The following SRPK1 variants were observed in gnomAD, a reference collection of about 807,000 sequenced individuals.
SRPK1 encodes the protein SRSF protein kinase 1.
In SRPK1, 52 loss-of-function variants were observed where a neutral mutation model predicts 89.5. The observed-to-expected ratio is 0.58, with a 90% CI of 0.46 to 0.73. The LOEUF is 0.73. Ranked by LOEUF, SRPK1 falls within the 30% of genes least tolerant of loss-of-function variation. SRPK1 has a pLI of 0.00. For synonymous variants in SRPK1, 255 were observed against 270.2 expected (o/e 0.94, Z 0.55); for missense variants, 603 against 780.6 (o/e 0.77, Z 2.71).
chr6:35,850,682 A>T (rs539265972), intron 13 of SRPK1, among the ~76,000 whole-genome samples: 41 of 152,336 alleles, frequency 2.7e-4, no homozygotes, highest in African/African-American at 8.7e-4. Flanking sequence ...TGTCTACTGC[A>T]CATATCCCTT....
intron 13 of SRPK1, among the ~76,000 whole-genome samples, chr6:35,845,807 A>G (rs1769414080): frequency 6.6e-6 from 1 of 152,262 alleles, no homozygotes; most frequent in Non-Finnish European, 1.5e-5. Flanking sequence ...AAGACAAGTC[A>G]GAGTCCTGAT....
At chr6:35,880,735 G>GAAAA (rs1238876364) in intron 6 of SRPK1, among the ~76,000 whole-genome samples, 1 of 26,974 alleles carries the variant, frequency 3.7e-5, no homozygotes, top group East Asian at 1.2e-3. Context: ...AAAAAAAAAA[G>GAAAA]AAAAAAAAAA....
At chr6:35,880,746 A>AAAAAAAGAAAGAAAG (rs1770263877) in intron 6 of SRPK1, among the ~76,000 whole-genome samples, 48 of 89,188 alleles carry the variant, frequency 5.4e-4, no homozygotes, top group Middle Eastern at 6.6e-3. Flanking sequence ...AAAAAAAAAA[A>AAAAAAAGAAAGAAAG]AAAAGAAAAG....
chr6:35,876,463 A>C (rs1387513859), intron 6 of SRPK1, among the ~76,000 whole-genome samples: 1 of 152,108 alleles, frequency 6.6e-6, no homozygotes, highest in African/African-American at 2.4e-5. Context: ...AACAAGGTGA[A>C]ACCCTGTCTC....
intron 3 of SRPK1, 68 bp from the exon 4 acceptor site, chr6:35,888,991 T>TTGGCCGGGCGCGGTGGCTCACGCCTG: frequency 9.6e-7 from 1 of 1,043,640 alleles, no homozygotes; most frequent in Non-Finnish European, 1.5e-6. Flanking sequence ...AAAGGCATTT[T>TTGGCCGGGCGCGGTGGCTCACGCCTG]TAACATCACA....
rs1480474645 is a variant in SRPK1, at chr6:35,882,161, T to TAGTAGC, written c.478+4562_478+4563insGCTACT. ...GTAGTAGTAGTAGTAGTAGTAGTAG[T>TAGTAGC]AGCAGCAGCAGCAGAAGAAGAAGAA... On this transcript the variant is annotated intron_variant, in intron 6 of 15. Transcript: ENST00000373825. Among the ~76,000 whole-genome samples, 184 of 118,438 alleles carry TAGTAGC rather than the reference T, an allele frequency of 1.6e-3. 2 individuals are homozygous for TAGTAGC. Among genetic ancestry groups the TAGTAGC allele is most frequent in the African/African-American group, 4.3e-3 (145 of 33,460 alleles). 77.7% of individuals were successfully genotyped at this position (118,438 alleles called of 152,430 possible).
intron 12 of SRPK1, among the ~76,000 whole-genome samples, chr6:35,866,157 A>G (rs1448553839): frequency 6.6e-6 from 1 of 152,188 alleles, no homozygotes; most frequent in Non-Finnish European, 1.5e-5. Context: ...TAAAACCACA[A>G]TGAGGTATCT....
chr6:35,893,675 T>C (rs1054936835), intron 2 of SRPK1, among the ~76,000 whole-genome samples: 2 of 152,096 alleles, frequency 1.3e-5, no homozygotes, highest in Non-Finnish European at 2.9e-5. Context: ...AGAGTAAACT[T>C]TTCCAGATTC....
At chr6:35,841,106 T>A (rs1769296360) in intron 14 of SRPK1, among the ~76,000 whole-genome samples, 1 of 152,166 alleles carries the variant, frequency 6.6e-6, no homozygotes, top group Admixed American at 6.6e-5. Flanking sequence ...TCTCTAGGCC[T>A]ATAATCCCAA....
intron 14 of SRPK1, among the ~76,000 whole-genome samples, chr6:35,839,305 C>T (rs1484360707): frequency 6.6e-6 from 1 of 152,208 alleles, no homozygotes; most frequent in Non-Finnish European, 1.5e-5. Context: ...CCTGAGCCAC[C>T]ACCTGGCTGA....
At chr6:35,910,589 G>C (rs1026280745) in intron 2 of SRPK1, among the ~76,000 whole-genome samples, 3 of 152,248 alleles carry the variant, frequency 2.0e-5, no homozygotes, top group Non-Finnish European at 2.9e-5. Flanking sequence ...CTAAACAGCA[G>C]ATTTTAGGTG....
intron 2 of SRPK1, among the ~76,000 whole-genome samples, chr6:35,909,195 T>C (rs1372079556): frequency 6.6e-6 from 1 of 152,206 alleles, no homozygotes; most frequent in East Asian, 1.9e-4. Context: ...TGCCAGTCCA[T>C]GAAGGAGCTG....
rs760041523 is a variant in SRPK1 at position 35,854,715 on chromosome 6, TA to T, written c.1620+2545del. On this transcript the variant is annotated intron_variant, in intron 13 of 15. Coordinates refer to ENST00000373825, the MANE Select transcript of SRPK1 (RefSeq NM_003137.5). ...CCCCAAACAAAACAGAAATGTGGAA[TA>T]AAAAAAAAATGTCATTTTCTTACAG... 5.7e-4 allele frequency among the ~76,000 whole-genome samples: 74 copies of T among 130,874 alleles called. 1 individual carries two copies. The highest frequency in any genetic ancestry group is 1.7e-3 in the Admixed American group (22 of 13,114). The allele number at this position is 130,874 out of a possible 152,430, so 85.9% of individuals were successfully genotyped here. A position where few individuals can be genotyped will look rare whatever the true frequency, so the allele number is the denominator to read the frequency against.
At chr6:35,860,920 G>A (rs1769768752) in intron 12 of SRPK1, among the ~76,000 whole-genome samples, 1 of 152,080 alleles carries the variant, frequency 6.6e-6, no homozygotes. Context: ...TGAAGGAGTT[G>A]TACGTGAAGA....
Position 35,890,979 on chromosome 6 carries a change from A to C in SRPK1, c.109T>G (p.Ser37Ala). 6.4e-7 allele frequency: 1 copy of C among 1,553,508 alleles called. No individual in the cohort carries two copies. Among genetic ancestry groups the C allele is most frequent in the Non-Finnish European group, 8.7e-7 (1 of 1,147,606 alleles). ...TCCTGCTCTGGTAGATCACTCTCAG[A>C]GTGGGGAGCAGAGCCTCGGTGCTGA... ...ETQHRGSAPH[S>A]ESDLPEQEEE... Residue 37 changes from serine to alanine, a missense_variant, in exon 3 of 16, where the codon TCT becomes GCT. Physicochemically the swap from Ser to Ala is moderately conservative, Grantham distance 99 (BLOSUM62 1). Transcript: ENST00000373825.
rs1388248934 is a variant in SRPK1 at position 35,874,269 on chromosome 6, C to T, written c.549G>A (p.Gly183=). 1 of 1,613,234 alleles carries T rather than the reference C, an allele frequency of 6.2e-7. No individual in the cohort carries two copies. The highest frequency in any genetic ancestry group is 8.5e-7 in the Non-Finnish European group (1 of 1,179,556). The stretch of plus-strand genomic sequence containing the variant: ...TTTTTTTGACACAAGGCAGTGGAAG[C>T]CCCTGATAATTGGATTTGATGATCC... ...LKWIIKSNYQ[G]LPLPCVKKII... The change falls in exon 7 of 16, where the codon GGG becomes GGA. Residue 183 remains glycine, a synonymous_variant. Coordinates refer to ENST00000373825, the MANE Select transcript of SRPK1 (RefSeq NM_003137.5).
intron 2 of SRPK1, among the ~76,000 whole-genome samples, chr6:35,910,609 G>A (rs1193906686): frequency 6.6e-6 from 1 of 152,230 alleles, no homozygotes; most frequent in African/African-American, 2.4e-5. Flanking sequence ...GTAGACAAAA[G>A]AGCCTTCTAT....
rs530201482 is a variant in SRPK1, at chr6:35,833,401, A to G, written c.*1903T>C. The stretch of plus-strand genomic sequence containing the variant: ...TTTTGTGTTTTGTTATTTCACCTTA[A>G]TATCACCAGAATTCCTGTAATTCCA... On this transcript the variant is annotated 3_prime_UTR_variant, in exon 16 of 16. Coordinates refer to ENST00000373825, the MANE Select transcript of SRPK1 (RefSeq NM_003137.5). 14 of 152,548 alleles carry G rather than the reference A, an allele frequency of 9.2e-5. No homozygotes were observed. The highest frequency in any genetic ancestry group is 2.6e-4 in the African/African-American group (11 of 41,592). The allele number at this position is 152,548 out of a possible 1,614,324, so 9.4% of individuals were successfully genotyped here.
chr6:35,903,650 G>A (rs780193989), intron 2 of SRPK1, among the ~76,000 whole-genome samples: 1 of 152,130 alleles, frequency 6.6e-6, no homozygotes, highest in Non-Finnish European at 1.5e-5. Flanking sequence ...TTGACTACAA[G>A]TACCAAGCTT....
Sources: allele counts gnomAD v4.1 joint callset (sites outside exome capture counted in the v4.1 genomes callset), GRCh38; gene constraint gnomAD v4.1.1; transcripts MANE v1.5; gene names NCBI Gene and HGNC (gene_info 2026-07-23, HGNC 2026-07-21).